SLC35A3: variants seen among roughly 807,000 people sequenced by gnomAD.
SLC35A3 encodes the protein solute carrier family 35 member A3.
In SLC35A3, 26 loss-of-function variants were observed where a neutral mutation model predicts 39.0. That is an observed-to-expected ratio of 0.67 (90% CI 0.49 to 0.92). The LOEUF is 0.92. SLC35A3 is among the 40% of genes least tolerant of loss of function. The pLI, the probability that SLC35A3 is intolerant of heterozygous loss-of-function variation, is 0.00. For missense variants in SLC35A3, 299 were observed against 371.6 expected (o/e 0.80, Z 1.61); for synonymous variants, 135 against 133.1 (o/e 1.01, Z -0.10).
chr1:99,990,795 T>G (rs2101113922), intron 1 of SLC35A3, among the ~76,000 whole-genome samples: 1 of 152,224 alleles, frequency 6.6e-6, no homozygotes, highest in East Asian at 1.9e-4. Context: ...TATTAAGAAG[T>G]AGGGCCTTTG....
rs1286940320 is a variant in SLC35A3, at chr1:100,027,563, A to G, written c.*5087A>G. The G allele has an allele frequency of 1.2e-5, 2 of 173,778 alleles. No homozygotes were observed. Among genetic ancestry groups the G allele is most frequent in the Admixed American group, 6.3e-5 (1 of 15,934 alleles). The allele number at this position is 173,778 out of a possible 1,614,324, so 10.8% of individuals were successfully genotyped here. The stretch of plus-strand genomic sequence containing the variant: ...CAGCCTAACAGATTTTTTGTTTTAA[A>G]TATCTCTAGGCTAGCCTCAAGGTTA... On this transcript the variant is annotated 3_prime_UTR_variant, in exon 8 of 8. Coordinates refer to ENST00000533028, the MANE Select transcript of SLC35A3 (RefSeq NM_012243.3).
rs182034299 is a variant in SLC35A3, at chr1:99,990,672, T to C, written c.-18-2865T>C. Among the ~76,000 whole-genome samples the C allele has an allele frequency of 2.6e-4, 39 of 152,328 alleles. No homozygotes were observed. The East Asian group carries it at 6.6e-3, about 26-fold the overall frequency. On this transcript the variant is annotated intron_variant, in intron 1 of 7. Transcript: ENST00000533028. ...CTTTTTTCTGTACCTTTGTCAAATA[T>C]TGTTTGACAATATTTATATATGGTT...
At chr1:99,990,964 T>C (rs1321652490) in intron 1 of SLC35A3, among the ~76,000 whole-genome samples, 1 of 152,194 alleles carries the variant, frequency 6.6e-6, no homozygotes, top group African/African-American at 2.4e-5. Context: ...AACCCAACGA[T>C]GCCAGCACTC....
chr1:100,022,368 T>C lies in SLC35A3; in HGVS notation c.888-18T>C. 7.6e-7 allele frequency: 1 copy of C among 1,311,426 alleles called. No homozygotes were observed. The highest frequency in any genetic ancestry group is 1.1e-6 in the Non-Finnish European group (1 of 921,798). The allele number at this position is 1,311,426 out of a possible 1,614,324, so 81.2% of individuals were successfully genotyped here. A position where few individuals can be genotyped will look rare whatever the true frequency, so the allele number is the denominator to read the frequency against. On this transcript the variant is annotated intron_variant, in intron 7 of 7. Transcript: ENST00000533028. Reference sequence around the variant, plus strand: ...TAATCTGATTTTCTCTTTTTTATTTTGTCTTCATCTTATTCAGTGTCTTTT... The same window carrying C: ...TAATCTGATTTTCTCTTTTTTATTTCGTCTTCATCTTATTCAGTGTCTTTT...
rs147532708 is a variant in SLC35A3 at position 100,020,782 on chromosome 1, T to TA, written c.888-1603dup. Among the ~76,000 whole-genome samples the TA allele has an allele frequency of 2.9e-3, 442 of 152,206 alleles. 3 individuals are homozygous for TA. Among genetic ancestry groups the TA allele is most frequent in the African/African-American group, 0.01 (427 of 41,514 alleles). ...AGTCTTGGAGACATTAGACCTGAAT[T>TA]ATTATGAATAAGCATTTTCTAAGAA... On this transcript the variant is annotated intron_variant, in intron 7 of 7. Transcript: ENST00000533028.
At chr1:99,985,227 A>T (rs530509895) in intron 1 of SLC35A3, among the ~76,000 whole-genome samples, 1 of 152,310 alleles carries the variant, frequency 6.6e-6, no homozygotes, top group African/African-American at 2.4e-5. Flanking sequence ...TCCTTGATCC[A>T]CCTTGAGTTG....
chr1:99,974,730 T>C (rs1370285729), intron 1 of SLC35A3, among the ~76,000 whole-genome samples: 3 of 152,214 alleles, frequency 2.0e-5, no homozygotes, highest in Non-Finnish European at 1.5e-5. Flanking sequence ...GCCATACACT[T>C]AATATCTCAG....
intron 3 of SLC35A3, among the ~76,000 whole-genome samples, chr1:100,001,173 T>C (rs554802721): frequency 6.6e-6 from 1 of 152,264 alleles, no homozygotes; most frequent in Non-Finnish European, 1.5e-5. Flanking sequence ...TGCTCAGGGT[T>C]GCTTTGGCTA....
In SLC35A3 at chr1:100,032,337, A is replaced by C. The variant is rs1175815793; in HGVS notation, c.*9861A>C. ...GTGATAAATTTTTTTTAGTGCTCTA[A>C]ATTTCTTCTACATTTATTAGTTTAT... is the stretch of plus-strand genomic sequence containing the variant. On this transcript the variant is annotated 3_prime_UTR_variant, in exon 8 of 8. Transcript: ENST00000533028. 1.3e-5 allele frequency: 2 copies of C among 151,122 alleles called. No individual in the cohort carries two copies. Among genetic ancestry groups the C allele is most frequent in the African/African-American group, 4.9e-5 (2 of 40,468 alleles). 9.4% of individuals were successfully genotyped at this position (151,122 alleles called of 1,614,324 possible).
intron 1 of SLC35A3, among the ~76,000 whole-genome samples, chr1:99,987,798 G>A (rs568767834): frequency 6.6e-6 from 1 of 152,128 alleles, no homozygotes; most frequent in African/African-American, 2.4e-5. Context: ...ACTATAAACA[G>A]GGTTCACATT....
chr1:99,996,427 T>C (rs1291981843), intron 2 of SLC35A3, among the ~76,000 whole-genome samples: 1 of 152,182 alleles, frequency 6.6e-6, no homozygotes, highest in Non-Finnish European at 1.5e-5. Flanking sequence ...AGAAGAAACC[T>C]GCATGGCAGA....
At chr1:99,970,897 T>C (rs535980479) in intron 1 of SLC35A3, among the ~76,000 whole-genome samples, 1 of 152,380 alleles carries the variant, frequency 6.6e-6, no homozygotes, top group African/African-American at 2.4e-5. Flanking sequence ...TTCAAGGGAA[T>C]GACTTGTAAA....
intron 1 of SLC35A3, among the ~76,000 whole-genome samples, chr1:99,990,653 T>G (rs1658027769): frequency 6.6e-6 from 1 of 152,222 alleles, no homozygotes; most frequent in Non-Finnish European, 1.5e-5. Flanking sequence ...TCCCCTTTTT[T>G]CTGTACCTTT....
chr1:99,997,787 C>T (rs2101178554), intron 2 of SLC35A3, among the ~76,000 whole-genome samples: 1 of 152,124 alleles, frequency 6.6e-6, no homozygotes, highest in African/African-American at 2.4e-5. Context: ...GAGAATCCTG[C>T]TATCTCTTTG....
chr1:100,004,847 C>T (rs1326198397), intron 3 of SLC35A3, among the ~76,000 whole-genome samples: 1 of 152,100 alleles, frequency 6.6e-6, no homozygotes, highest in Non-Finnish European at 1.5e-5. Context: ...TCAACCTGTC[C>T]TCCTGCCTCA....
At chr1:99,977,657 C>T (rs990105115) in intron 1 of SLC35A3, among the ~76,000 whole-genome samples, 3 of 152,030 alleles carry the variant, frequency 2.0e-5, no homozygotes, top group East Asian at 1.9e-4. Flanking sequence ...CTCAGCTTCT[C>T]GAGTAGCTGG....
chr1:99,994,912 A>G (rs114287952), intron 2 of SLC35A3, among the ~76,000 whole-genome samples: 2,044 of 152,294 alleles, frequency 0.013, 18 homozygotes, highest in Middle Eastern at 0.058. Context: ...ATCATTTTAT[A>G]TCTCCATCAA....
chr1:99,971,111 T>C (rs1656785626), intron 1 of SLC35A3, among the ~76,000 whole-genome samples: 1 of 152,222 alleles, frequency 6.6e-6, no homozygotes, highest in African/African-American at 2.4e-5. Flanking sequence ...TCCATATTAC[T>C]TTTAAAGCCA....
intron 2 of SLC35A3, among the ~76,000 whole-genome samples, chr1:99,994,057 A>G (rs187831081): frequency 1.6e-4 from 25 of 152,160 alleles, no homozygotes; most frequent in African/African-American, 5.8e-4. Context: ...TTTTTTACTA[A>G]TGTAAACACC....
Sources: allele counts gnomAD v4.1 joint callset (sites outside exome capture counted in the v4.1 genomes callset), GRCh38; gene constraint gnomAD v4.1.1; transcripts MANE v1.5; gene names NCBI Gene and HGNC (gene_info 2026-07-23, HGNC 2026-07-21).